The following DGUOK variants were observed in gnomAD, a reference collection of about 807,000 sequenced individuals.
DGUOK encodes deoxyguanosine kinase.
Under a neutral mutation model 36.6 loss-of-function variants are expected in DGUOK, and 30 were observed. The ratio of observed to expected loss-of-function variants is 0.82; its 90% CI spans 0.61 to 1.11. DGUOK has a LOEUF of 1.11. Among genes scored for constraint, DGUOK ranks in the 50% most tolerant of loss-of-function variants. The pLI, the probability that DGUOK is intolerant of heterozygous loss-of-function variation, is 0.00. For missense variants in DGUOK, 361 were observed against 336.4 expected, an observed-to-expected ratio of 1.07 and a Z score of -0.57; for synonymous variants, 145 against 126.3, an observed-to-expected ratio of 1.15 and a Z score of -0.99.
At chr2:73,948,273 A>G (rs891739569) in intron 3 of DGUOK, among the ~76,000 whole-genome samples, 24 of 152,338 alleles carry the variant, frequency 1.6e-4, no homozygotes, top group African/African-American at 5.8e-4. Context: ...TTCATGAAGT[A>G]GGTGTGTGAG....
intron 2 of DGUOK, among the ~76,000 whole-genome samples, chr2:73,943,773 C>G (rs1368560932): frequency 1.3e-5 from 2 of 152,122 alleles, no homozygotes; most frequent in East Asian, 3.9e-4. Flanking sequence ...CCTCAGCCTC[C>G]CAAGTAGTTG....
At chr2:73,940,588 C>G (rs1681828440) in intron 2 of DGUOK, among the ~76,000 whole-genome samples, 1 of 152,112 alleles carries the variant, frequency 6.6e-6, no homozygotes, top group South Asian at 2.1e-4. Context: ...CACAGGTCAC[C>G]TGTGTGTATT....
At chr2:73,955,272 T>G (rs543966436) in intron 4 of DGUOK, among the ~76,000 whole-genome samples, 15 of 152,352 alleles carry the variant, frequency 9.8e-5, no homozygotes, top group African/African-American at 3.1e-4. Flanking sequence ...AAAAAATTTA[T>G]TTTCACGAAA....
At chr2:73,945,986 G>A (rs1385611823) in intron 2 of DGUOK, among the ~76,000 whole-genome samples, 5 of 151,046 alleles carry the variant, frequency 3.3e-5, no homozygotes, top group Non-Finnish European at 7.4e-5. Flanking sequence ...GCAGTGAGCC[G>A]GGAGGTTGCA....
At chr2:73,953,843 C>T (rs962460643) in intron 4 of DGUOK, among the ~76,000 whole-genome samples, 4 of 151,642 alleles carry the variant, frequency 2.6e-5, no homozygotes, top group South Asian at 2.1e-4. Flanking sequence ...CTCAGCCTCC[C>T]GAGTAGCTGG....
chr2:73,953,741 T>TTG lies in DGUOK; in HGVS notation c.591+3009_591+3010insTG, dbSNP rs869069406. Among the ~76,000 whole-genome samples, 28 of 142,176 alleles carry TTG rather than the reference T, an allele frequency of 2.0e-4. 1 individual carries two copies. The highest frequency in any genetic ancestry group is 7.1e-4 in the African/African-American group (26 of 36,538). 93.3% of individuals were successfully genotyped at this position (142,176 alleles called of 152,430 possible). A position where few individuals can be genotyped will look rare whatever the true frequency, so the allele number is the denominator to read the frequency against. On this transcript the variant is annotated intron_variant, in intron 4 of 6. Transcript: ENST00000264093. The stretch of plus-strand genomic sequence containing the variant: ...CTTCTTTTTTTTTTTTTTTTTTTTT[T>TTG]GAGACAGAGTTTTGCTCTGTTGCCC...
At chr2:73,948,922 C>CT (rs1682522146) in intron 3 of DGUOK, among the ~76,000 whole-genome samples, 1 of 152,170 alleles carries the variant, frequency 6.6e-6, no homozygotes, top group Admixed American at 6.5e-5. Context: ...TTTCATAGGG[C>CT]TTATTAGCAA....
At chr2:73,927,174 G>A in intron 1 of DGUOK, 122 bp downstream of exon 1, 2 of 1,368,086 alleles carry the variant, frequency 1.5e-6, no homozygotes, top group Non-Finnish European at 1.0e-6. Context: ...TCTGGGCTGC[G>A]AGGAGAGCCT....
chr2:73,938,937 TACTCACGAAA>T lies in DGUOK; in HGVS notation c.174_183del (p.Lys60GlnfsTer5). On this transcript the variant is annotated frameshift_variant, in exon 2 of 7. Coordinates refer to ENST00000264093, the MANE Select transcript of DGUOK (RefSeq NM_080916.3). LOFTEE classifies it high-confidence loss of function. Reference sequence around the variant, plus strand: ...GTGGGAAAGTCCACGTTTGTGAAGTTACTCACGAAAACTTACCCAGAATGGCACGTAGCTA... The same window carrying T: ...GTGGGAAAGTCCACGTTTGTGAAGTTACTTACCCAGAATGGCACGTAGCTA... 6.2e-7 allele frequency: 1 copy of T among 1,613,916 alleles called. No individual in the cohort carries two copies. Among genetic ancestry groups the T allele is most frequent in the Non-Finnish European group, 8.5e-7 (1 of 1,179,774 alleles).
At chr2:73,957,837 A>G in intron 5 of DGUOK, 1 of 361,490 alleles carries the variant, frequency 2.8e-6, no homozygotes, top group East Asian at 7.0e-5. Flanking sequence ...AGAAATTGTC[A>G]GTATTACTAA....
intron 2 of DGUOK, among the ~76,000 whole-genome samples, chr2:73,942,969 T>C (rs1452026644): frequency 6.6e-6 from 1 of 152,206 alleles, no homozygotes; most frequent in African/African-American, 2.4e-5. Flanking sequence ...CTTTTTAATC[T>C]CTTAGTATTA....
At position 73,938,914 on chromosome 2, in the gene DGUOK, G is replaced by A; in HGVS notation, c.147G>A (p.Val49=). 3 of 1,611,096 alleles carry A rather than the reference G, an allele frequency of 1.9e-6. No homozygotes were observed. The highest frequency in any genetic ancestry group is 2.5e-6 in the Non-Finnish European group (3 of 1,177,340). ...TACATGCTATTTGCATTGCAGCTGT[G>A]GGAAAGTCCACGTTTGTGAAGTTAC... ...RRLSIEGNIA[V]GKSTFVKLLT... The change falls in exon 2 of 7, where the codon GTG becomes GTA. Residue 49 remains valine (V), a synonymous_variant. Transcript: ENST00000264093.
At chr2:73,946,976 C>T in intron 3 of DGUOK, 70 bp downstream of exon 3, 6 of 1,318,160 alleles carry the variant, frequency 4.6e-6, no homozygotes, top group Non-Finnish European at 6.4e-6. Flanking sequence ...TTGCACAGAT[C>T]CTGCACTGCT....
Position 73,927,032 on chromosome 2 carries a change from T to C in DGUOK, c.122T>C (p.Leu41Pro). 6.2e-7 allele frequency: 1 copy of C among 1,609,990 alleles called. No homozygotes were observed. The highest frequency in any genetic ancestry group is 8.5e-7 in the Non-Finnish European group (1 of 1,179,988). ...GLHAGRGPRR[L>P]SIEGNIAVGK... ...CACGCGGGGCGCGGGCCCCGAAGGC[T>C]CTCCATCGAAGGCAACATTGGTAAG... Residue 41 changes from leucine to proline, a missense_variant, in exon 1 of 7, where the codon CTC (leucine) becomes CCC (proline). By Grantham distance (98) the Leu-to-Pro change is moderately conservative. Transcript: ENST00000264093.
Position 73,927,963 on chromosome 2 carries a change from C to T in DGUOK, c.142+911C>T, listed in dbSNP as rs117124131. 3.4e-4 allele frequency among the ~76,000 whole-genome samples: 52 copies of T among 152,196 alleles called. 1 individual carries two copies. The East Asian group carries it at 6.0e-3, about 17-fold the overall frequency. On this transcript the variant is annotated intron_variant, in intron 1 of 6. Coordinates refer to ENST00000264093, the MANE Select transcript of DGUOK (RefSeq NM_080916.3). Reference sequence around the variant, plus strand: ...TCCATATGCCAGCACTGTTCTTGGCCTGGAGAATACAGCTGTGAATAGAAC... The same window carrying T: ...TCCATATGCCAGCACTGTTCTTGGCTTGGAGAATACAGCTGTGAATAGAAC...
At chr2:73,932,557 C>A in intron 1 of DGUOK, 1 of 1,213,214 alleles carries the variant, frequency 8.2e-7, no homozygotes, top group Non-Finnish European at 1.1e-6. Flanking sequence ...ATGTATTAAA[C>A]TGCTTTTTAA....
chr2:73,957,741 TTTTC>T (rs1397964609), intron 5 of DGUOK, among the ~76,000 whole-genome samples: 2 of 152,210 alleles, frequency 1.3e-5, no homozygotes, highest in African/African-American at 2.4e-5. Context: ...TTCTCCAGCT[TTTTC>T]TTTGTTTCTT....
intron 5 of DGUOK, chr2:73,957,943 C>A: frequency 2.1e-6 from 1 of 487,464 alleles, no homozygotes; most frequent in East Asian, 4.1e-5. Context: ...GTATCACTCT[C>A]AAGAATGAAG....
chr2:73,950,931 CA>C (rs2104964586), intron 4 of DGUOK, among the ~76,000 whole-genome samples, 199 bp downstream of exon 4: 1 of 152,306 alleles, frequency 6.6e-6, no homozygotes, highest in African/African-American at 2.4e-5. Context: ...GTGCTAAAGC[CA>C]TTGACTATGC....
Sources: gnomAD v4.1 joint callset for allele counts (sites outside exome capture counted in the v4.1 genomes callset) on GRCh38, gnomAD v4.1.1 for gene constraint, MANE v1.5 for transcripts, NCBI Gene and HGNC (gene_info 2026-07-23, HGNC 2026-07-21) for gene names.